The following SGCD variants were observed in gnomAD, a reference collection of about 807,000 sequenced individuals.
SGCD encodes the protein delta-sarcoglycan.
A neutral mutation model predicts 36.6 loss-of-function variants in SGCD; 18 were observed. The observed-to-expected ratio is 0.49, with a 90% CI of 0.34 to 0.73. SGCD has a LOEUF of 0.73. Ranked by LOEUF, SGCD falls within the 30% of genes least tolerant of loss-of-function variation. The probability of loss-of-function intolerance (pLI) is 0.01; values close to 1 mark genes in which losing one functional copy is unlikely to be tolerated. For missense variants in SGCD, 387 were observed against 346.7 expected, an observed-to-expected ratio of 1.12 and a Z score of -0.92; for synonymous variants, 133 against 130.6, an observed-to-expected ratio of 1.02 and a Z score of -0.12.
intron 3 of SGCD, among the ~76,000 whole-genome samples, chr5:156,389,029 G>A (rs572657713): frequency 3.9e-5 from 6 of 152,152 alleles, no homozygotes; most frequent in Non-Finnish European, 8.8e-5. Context: ...GAGTAAGGCT[G>A]ACACAGGACT....
intron 7 of SGCD, among the ~76,000 whole-genome samples, chr5:156,716,948 G>GATA (rs1755250042): frequency 6.6e-6 from 1 of 152,094 alleles, no homozygotes; most frequent in Non-Finnish European, 1.5e-5. Flanking sequence ...ACCTTTCAAG[G>GATA]TTTAATTAGG....
At chr5:156,392,924 G>C (rs1771656994) in intron 3 of SGCD, among the ~76,000 whole-genome samples, 1 of 152,112 alleles carries the variant, frequency 6.6e-6, no homozygotes, top group Admixed American at 6.5e-5. Context: ...GTGTCTGCCT[G>C]CTTGCTTGGG....
At chr5:156,029,774 CTA>C (rs1759302867) in intron 1 of SGCD, among the ~76,000 whole-genome samples, 2 of 152,154 alleles carry the variant, frequency 1.3e-5, no homozygotes, top group South Asian at 4.1e-4. Context: ...AGGGCTCTGG[CTA>C]TGCCAACACA....
the SGCD span, among the ~76,000 whole-genome samples, chr5:155,862,287 A>G: frequency 4.6e-5 from 7 of 152,106 alleles, no homozygotes; most frequent in Non-Finnish European, 1.5e-5. Context: ...ATCCTGTAGT[A>G]ATTATAATTA....
In SGCD at chr5:156,400,216, G is replaced by C. The variant is rs576219071; in HGVS notation, c.192+55539G>C. Among the ~76,000 whole-genome samples the C allele has an allele frequency of 2.6e-5, 4 of 152,292 alleles. No individual in the cohort carries two copies. The East Asian group carries it at 7.7e-4, about 29-fold the overall frequency. ...TTCTGGTTCAATACTCTTGGTGTGG[G>C]CCTGGGAATTTGCATTTTAACAAGT... On this transcript the variant is annotated intron_variant, in intron 3 of 8. Coordinates refer to ENST00000337851, the MANE Select transcript of SGCD (RefSeq NM_000337.6).
the SGCD span, among the ~76,000 whole-genome samples, chr5:155,853,029 GCT>G: frequency 6.7e-6 from 1 of 149,602 alleles, no homozygotes; most frequent in Non-Finnish European, 1.5e-5. Flanking sequence ...ATTTCCATAG[GCT>G]AAATATCCAA....
chr5:155,758,421 T>C, the SGCD span, among the ~76,000 whole-genome samples: 1 of 152,192 alleles, frequency 6.6e-6, no homozygotes, highest in Non-Finnish European at 1.5e-5. Flanking sequence ...ATCAATACTT[T>C]TATGTTACAT....
At chr5:156,378,363 A>G (rs969129041) in intron 3 of SGCD, among the ~76,000 whole-genome samples, 7 of 152,272 alleles carry the variant, frequency 4.6e-5, no homozygotes, top group African/African-American at 1.7e-4. Flanking sequence ...TTATTGCTTA[A>G]TGATACAGAG....
At chr5:155,990,337 A>T (rs1470595217) in intron 1 of SGCD, among the ~76,000 whole-genome samples, 3 of 152,218 alleles carry the variant, frequency 2.0e-5, no homozygotes, top group Non-Finnish European at 2.9e-5. Flanking sequence ...AGAATTTCTG[A>T]ATATGACATA....
At chr5:156,035,155 G>A (rs998602581) in intron 1 of SGCD, among the ~76,000 whole-genome samples, 3 of 151,996 alleles carry the variant, frequency 2.0e-5, no homozygotes, top group Non-Finnish European at 2.9e-5. Flanking sequence ...AGTTTTCCTC[G>A]GTGAGTCTGT....
chr5:156,240,151 T>A (rs1373738622), intron 3 of SGCD, among the ~76,000 whole-genome samples: 2 of 152,150 alleles, frequency 1.3e-5, no homozygotes, highest in Non-Finnish European at 2.9e-5. Context: ...GTAGAATTAT[T>A]TTAGTGTAAT....
intron 6 of SGCD, among the ~76,000 whole-genome samples, chr5:156,610,010 G>A (rs1761704965): frequency 6.6e-6 from 1 of 152,184 alleles, no homozygotes; most frequent in Non-Finnish European, 1.5e-5. Context: ...TTAGCTCAGA[G>A]TAGTTTGATC....
intron 3 of SGCD, among the ~76,000 whole-genome samples, chr5:156,500,516 G>A (rs1756398011): frequency 6.6e-6 from 1 of 152,180 alleles, no homozygotes; most frequent in Non-Finnish European, 1.5e-5. Context: ...AAAATGTGCT[G>A]ACAGAATTAA....
chr5:156,545,680 C>T lies in SGCD; in HGVS notation c.294+36978C>T, dbSNP rs1758544018. On this transcript the variant is annotated intron_variant, in intron 4 of 8. Coordinates refer to ENST00000337851, the MANE Select transcript of SGCD (RefSeq NM_000337.6). ...AGCTCAGGCAGTAATGCTCACTCGC[C>T]TGCCACTCACCTCCTGCTGTGCAGC... Among the ~76,000 whole-genome samples the T allele has an allele frequency of 2.0e-5, 3 of 152,148 alleles. No individual in the cohort carries two copies. In the South Asian group the frequency reaches 6.2e-4, roughly 32 times the overall value.
chr5:156,736,104 T>G (rs1271299237), intron 7 of SGCD, among the ~76,000 whole-genome samples: 1 of 152,162 alleles, frequency 6.6e-6, no homozygotes, highest in South Asian at 2.1e-4. Context: ...CTCTTCTCCA[T>G]TCTCTGTGGG....
At chr5:156,358,986 A>G (rs1769634432) in intron 3 of SGCD, among the ~76,000 whole-genome samples, 1 of 152,174 alleles carries the variant, frequency 6.6e-6, no homozygotes, top group Admixed American at 6.5e-5. Context: ...CACTTATGTA[A>G]CACTTGTGGG....
intron 6 of SGCD, among the ~76,000 whole-genome samples, chr5:156,604,677 A>G (rs1386431278): frequency 6.9e-6 from 1 of 144,338 alleles, no homozygotes; most frequent in East Asian, 2.0e-4. Flanking sequence ...TATTTAAATT[A>G]GTATATATAG....
intron 1 of SGCD, among the ~76,000 whole-genome samples, chr5:155,933,332 C>T (rs1757133714): frequency 2.0e-5 from 3 of 152,148 alleles, no homozygotes; most frequent in African/African-American, 4.8e-5. Context: ...ACTCCCTTAT[C>T]CTTCTTCAGT....
chr5:156,006,993 T>C (rs913333080), intron 1 of SGCD, among the ~76,000 whole-genome samples: 2 of 152,352 alleles, frequency 1.3e-5, no homozygotes, highest in East Asian at 1.9e-4. Context: ...ACATGACGAA[T>C]ACTTAGCAGA....
Sources: allele counts gnomAD v4.1 joint callset (sites outside exome capture counted in the v4.1 genomes callset), GRCh38; gene constraint gnomAD v4.1.1; transcripts MANE v1.5; gene names NCBI Gene and HGNC (gene_info 2026-07-23, HGNC 2026-07-21).